Variants in ERBB4 observed in about 807,000 individuals in gnomAD.
ERBB4 encodes the protein receptor tyrosine-protein kinase erbB-4.
In ERBB4, 42 loss-of-function variants were observed where a neutral mutation model predicts 158.0. The observed-to-expected ratio is 0.27, with a 90% CI of 0.21 to 0.34. The LOEUF (loss-of-function observed/expected upper bound fraction) is 0.34. ERBB4 is among the 10% of genes least tolerant of loss of function. The probability of loss-of-function intolerance (pLI) is 1.00; values close to 1 mark genes in which losing one functional copy is unlikely to be tolerated. For synonymous variants in ERBB4, 583 were observed against 558.7 expected (o/e 1.04, Z -0.61); for missense variants, 1,333 against 1,624.1 (o/e 0.82, Z 3.08).
At chr2:211,654,293 C>T (rs1457547873) in intron 16 of ERBB4, among the ~76,000 whole-genome samples, 2 of 152,180 alleles carry the variant, frequency 1.3e-5, no homozygotes, top group African/African-American at 2.4e-5. Context: ...TAAACATCCC[C>T]TCACAAGTCA....
intron 16 of ERBB4, among the ~76,000 whole-genome samples, chr2:211,649,012 C>T (rs1486225979): frequency 1.3e-5 from 2 of 151,682 alleles, no homozygotes; most frequent in East Asian, 3.9e-4. Context: ...TAAAACTGTG[C>T]CTATGTTTGT....
At chr2:212,504,458 A>C (rs1463708032) in intron 1 of ERBB4, among the ~76,000 whole-genome samples, 1 of 152,208 alleles carries the variant, frequency 6.6e-6, no homozygotes, top group Non-Finnish European at 1.5e-5. Context: ...ACCATTAAAA[A>C]ATAATACAAA....
At chr2:212,264,954 T>C (rs1176208397) in intron 1 of ERBB4, among the ~76,000 whole-genome samples, 1 of 152,116 alleles carries the variant, frequency 6.6e-6, no homozygotes, top group Admixed American at 6.6e-5. Context: ...GGAATGGAAG[T>C]GGAATTAGAC....
In ERBB4 at chr2:212,454,620, T is replaced by C. The variant is rs143304836; in HGVS notation, c.82+83829A>G. On this transcript the variant is annotated intron_variant, in intron 1 of 27. Coordinates refer to ENST00000342788, the MANE Select transcript of ERBB4 (RefSeq NM_005235.3). Reference sequence around the variant, plus strand: ...AATAGCTTAATGATTCCCATAAGTCTATTATGAGAACTCTTCATTAATCAA... The same window carrying C: ...AATAGCTTAATGATTCCCATAAGTCCATTATGAGAACTCTTCATTAATCAA... Among the ~76,000 whole-genome samples, 1,492 of 152,350 alleles carry C rather than the reference T, an allele frequency of 9.8e-3. 8 individuals carry two copies. The highest frequency in any genetic ancestry group is 0.016 in the Non-Finnish European group (1,077 of 68,020).
At chr2:212,364,927 G>A (rs922985576) in intron 1 of ERBB4, among the ~76,000 whole-genome samples, 11 of 151,564 alleles carry the variant, frequency 7.3e-5, no homozygotes, top group African/African-American at 2.4e-4. Context: ...GTGTGTGTGT[G>A]TGTGTGTGTG....
At chr2:212,459,814 A>G (rs1174923424) in intron 1 of ERBB4, among the ~76,000 whole-genome samples, 3 of 152,200 alleles carry the variant, frequency 2.0e-5, no homozygotes, top group African/African-American at 7.2e-5. Flanking sequence ...AATGTTCAAC[A>G]AAGGCACCAG....
chr2:212,223,504 T>C (rs2083374608), intron 1 of ERBB4, among the ~76,000 whole-genome samples: 1 of 150,420 alleles, frequency 6.6e-6, no homozygotes. Context: ...TCTATCTTGT[T>C]CAGCCACACA....
chr2:212,449,246 G>A (rs1321614069), intron 1 of ERBB4, among the ~76,000 whole-genome samples: 1 of 152,076 alleles, frequency 6.6e-6, no homozygotes, highest in Non-Finnish European at 1.5e-5. Flanking sequence ...TTTCCAGTTT[G>A]TTATAAAATC....
At chr2:212,332,545 T>C (rs183985134) in intron 1 of ERBB4, among the ~76,000 whole-genome samples, 1 of 152,234 alleles carries the variant, frequency 6.6e-6, no homozygotes, top group Non-Finnish European at 1.5e-5. Flanking sequence ...TTTATTTTAT[T>C]TGTCCTACTT....
At chr2:211,830,637 C>T (rs1344534628) in intron 3 of ERBB4, among the ~76,000 whole-genome samples, 4 of 151,706 alleles carry the variant, frequency 2.6e-5, no homozygotes, top group African/African-American at 9.7e-5. Flanking sequence ...AAACATCATT[C>T]CAAAATGAAA....
At chr2:212,523,191 T>C (rs1692268115) in intron 1 of ERBB4, among the ~76,000 whole-genome samples, 1 of 151,946 alleles carries the variant, frequency 6.6e-6, no homozygotes, top group Non-Finnish European at 1.5e-5. Context: ...CATGCATATG[T>C]ACATCTGTCT....
intron 2 of ERBB4, among the ~76,000 whole-genome samples, chr2:212,015,267 A>G (rs771460667): frequency 6.7e-6 from 1 of 150,352 alleles, no homozygotes; most frequent in Admixed American, 6.6e-5. Flanking sequence ...CACTGTCTCA[A>G]TAAAATAAAA....
chr2:211,810,735 C>G (rs898913896), intron 3 of ERBB4, among the ~76,000 whole-genome samples: 1 of 146,040 alleles, frequency 6.8e-6, no homozygotes, highest in African/African-American at 2.5e-5. Flanking sequence ...TGCAGTGGCG[C>G]AATCTCGGCT....
rs372967576 is a variant in ERBB4, at chr2:211,543,188, G to A, written c.2487+18715C>T. On this transcript the variant is annotated intron_variant, in intron 20 of 27. Transcript: ENST00000342788. ...TATAAATTGTTTATCAGCCTTTTTC[G>A]CACTCACCAGTAGGAAAAGCAAAAA... Among the ~76,000 whole-genome samples the A allele has an allele frequency of 1.0e-3, 151 of 151,724 alleles. 1 individual carries two copies. Among genetic ancestry groups the A allele is most frequent in the Middle Eastern group, 3.4e-3 (1 of 294 alleles).
At chr2:212,311,640 T>A (rs1306768637) in intron 1 of ERBB4, among the ~76,000 whole-genome samples, 1 of 151,042 alleles carries the variant, frequency 6.6e-6, no homozygotes, top group East Asian at 2.0e-4. Context: ...ACTGATCACA[T>A]GCATCCACCT....
At chr2:212,235,750 C>G (rs1318525634) in intron 1 of ERBB4, among the ~76,000 whole-genome samples, 1 of 152,124 alleles carries the variant, frequency 6.6e-6, no homozygotes, top group East Asian at 1.9e-4. Context: ...GGAGTTCACT[C>G]ATGATTTGGC....
At chr2:212,137,531 T>C (rs1390507540) in intron 1 of ERBB4, among the ~76,000 whole-genome samples, 1 of 152,226 alleles carries the variant, frequency 6.6e-6, no homozygotes, top group Non-Finnish European at 1.5e-5. Context: ...AGCTGCATAG[T>C]ATTCCATGGT....
At chr2:212,278,470 G>T (rs1240657418) in intron 1 of ERBB4, among the ~76,000 whole-genome samples, 1 of 151,762 alleles carries the variant, frequency 6.6e-6, no homozygotes, top group East Asian at 1.9e-4. Context: ...CAGCAGCACA[G>T]ATTTAGAATG....
intron 2 of ERBB4, among the ~76,000 whole-genome samples, chr2:212,011,096 A>T (rs2076375762): frequency 6.6e-6 from 1 of 152,154 alleles, no homozygotes; most frequent in Non-Finnish European, 1.5e-5. Flanking sequence ...ATCAATTTGT[A>T]CAGCTAACAC....
Sources: gnomAD v4.1 joint callset for allele counts (sites outside exome capture counted in the v4.1 genomes callset) on GRCh38, gnomAD v4.1.1 for gene constraint, MANE v1.5 for transcripts, NCBI Gene and HGNC (gene_info 2026-07-23, HGNC 2026-07-21) for gene names.